Variants in AIG1 observed in about 807,000 individuals in gnomAD.
The protein encoded by AIG1 is androgen-induced gene 1 protein.
Under a neutral mutation model 31.4 loss-of-function variants are expected in AIG1, and 23 were observed. The ratio of observed to expected loss-of-function variants is 0.73; its 90% CI spans 0.53 to 1.04. The LOEUF (loss-of-function observed/expected upper bound fraction) is 1.04, where lower values mean the gene tolerates loss of function less well. Ranked by LOEUF, AIG1 falls within the 50% of genes least tolerant of loss-of-function variation. AIG1 has a pLI of 0.00. For missense variants in AIG1, 274 were observed against 295.0 expected, an observed-to-expected ratio of 0.93 and a Z score of 0.52; for synonymous variants, 100 against 110.5, an observed-to-expected ratio of 0.90 and a Z score of 0.60.
chr6:143,305,352 G>C (rs926503390), intron 4 of AIG1, among the ~76,000 whole-genome samples: 2 of 152,000 alleles, frequency 1.3e-5, no homozygotes, highest in African/African-American at 4.8e-5. Flanking sequence ...GCTTTCTTTT[G>C]TGGGCATTTA....
intron 3 of AIG1, among the ~76,000 whole-genome samples, chr6:143,178,689 C>G (rs1294025506): frequency 6.6e-6 from 1 of 152,224 alleles, no homozygotes; most frequent in Non-Finnish European, 1.5e-5. Context: ...CTCCCCTAGA[C>G]TCTCTGTTCA....
chr6:143,078,426 A>G (rs1450070524), intron 1 of AIG1, among the ~76,000 whole-genome samples: 1 of 152,200 alleles, frequency 6.6e-6, no homozygotes, highest in Non-Finnish European at 1.5e-5. Context: ...TTGTATGTCA[A>G]ATTGTTTTGG....
intron 1 of AIG1, among the ~76,000 whole-genome samples, chr6:143,094,962 A>G (rs1309666753): frequency 6.6e-6 from 1 of 152,194 alleles, no homozygotes; most frequent in African/African-American, 2.4e-5. Flanking sequence ...TTGAGAAATG[A>G]AAAGGCAACA....
chr6:143,242,498 C>T (rs529590883), intron 3 of AIG1, among the ~76,000 whole-genome samples: 25 of 152,120 alleles, frequency 1.6e-4, no homozygotes, highest in Non-Finnish European at 3.1e-4. Context: ...AATCAAAGTA[C>T]AAAGAGGTAA....
chr6:143,196,350 AACACACACACACACAC>A (rs71784011), intron 3 of AIG1, among the ~76,000 whole-genome samples: 15 of 141,718 alleles, frequency 1.1e-4, no homozygotes, highest in East Asian at 4.2e-4. Context: ...CAACAAAAGC[AACACACACACACACAC>A]ACACACACAC....
chr6:143,093,180 T>C (rs1779460900), intron 1 of AIG1, among the ~76,000 whole-genome samples: 1 of 152,168 alleles, frequency 6.6e-6, no homozygotes, highest in African/African-American at 2.4e-5. Context: ...TTTGTCTACA[T>C]TGAAAATCTG....
At chr6:143,121,298 A>G (rs1782223472) in intron 1 of AIG1, among the ~76,000 whole-genome samples, 1 of 152,180 alleles carries the variant, frequency 6.6e-6, no homozygotes, top group Non-Finnish European at 1.5e-5. Context: ...TTTGCCCAGT[A>G]TGTCTTCAAG....
intron 1 of AIG1, among the ~76,000 whole-genome samples, chr6:143,069,053 C>T (rs1447943275): frequency 1.3e-5 from 2 of 150,354 alleles, no homozygotes; most frequent in Non-Finnish European, 2.9e-5. Context: ...CTCACTCTGT[C>T]GCCCAGGTTA....
intron 4 of AIG1, among the ~76,000 whole-genome samples, chr6:143,301,686 G>A (rs1798835164): frequency 6.6e-6 from 1 of 152,048 alleles, no homozygotes; most frequent in African/African-American, 2.4e-5. Flanking sequence ...ACTATCAAAA[G>A]AACAGCATGG....
At chr6:143,128,268 A>G (rs1207753030) in intron 1 of AIG1, among the ~76,000 whole-genome samples, 1 of 152,228 alleles carries the variant, frequency 6.6e-6, no homozygotes, top group Non-Finnish European at 1.5e-5. Context: ...AAAATCTAAC[A>G]TGACTCAGTA....
intron 1 of AIG1, among the ~76,000 whole-genome samples, chr6:143,067,588 T>C (rs1776829588): frequency 1.3e-5 from 2 of 152,206 alleles, no homozygotes; most frequent in Non-Finnish European, 2.9e-5. Flanking sequence ...CATTTTGCAT[T>C]TGAGTTAGTC....
Position 143,284,341 on chromosome 6 carries a change from G to T in AIG1, c.515+116G>T. On this transcript the variant is annotated intron_variant, in intron 4 of 5. Transcript: ENST00000357847. This position sits in a 1 kb window ranked among gnomAD's most constrained non-coding sequence, Gnocchi z 4.4. ...CAGATTCACGCTGTGTGCCGCATTT[G>T]GTCCAAGACCTGGGCTTTGTCTCGT... is the stretch of plus-strand genomic sequence containing the variant. 2.9e-6 allele frequency: 2 copies of T among 698,800 alleles called. No individual in the cohort carries two copies. Among genetic ancestry groups the T allele is most frequent in the Non-Finnish European group, 4.8e-6 (2 of 416,804 alleles). The allele number at this position is 698,800 out of a possible 1,614,324, so 43.3% of individuals were successfully genotyped here. A position where few individuals can be genotyped will look rare whatever the true frequency, so the allele number is the denominator to read the frequency against.
At chr6:143,233,194 T>C (rs1164170371) in intron 3 of AIG1, among the ~76,000 whole-genome samples, 1 of 152,172 alleles carries the variant, frequency 6.6e-6, no homozygotes. Context: ...GGGATTCTTA[T>C]GGCCATCACC....
At chr6:143,081,020 T>G (rs1279046474) in intron 1 of AIG1, among the ~76,000 whole-genome samples, 1 of 152,172 alleles carries the variant, frequency 6.6e-6, no homozygotes, top group East Asian at 1.9e-4. Flanking sequence ...AGGTGATGTC[T>G]GCAACTAAGT....
In AIG1 at chr6:143,339,748, G is replaced by C. The variant is rs776072196; in HGVS notation, c.*72G>C. 44 of 1,537,984 alleles carry C rather than the reference G, an allele frequency of 2.9e-5. No individual in the cohort carries two copies. The Middle Eastern group carries it at 5.1e-4, about 18-fold the overall frequency. ...TCCTTCCCCTCGGGCATTGGCAGTG[G>C]GGGAGAAAAGGCTTCAAAGGAACTT... On this transcript the variant is annotated 3_prime_UTR_variant, in exon 6 of 6. Coordinates refer to ENST00000357847, the MANE Select transcript of AIG1 (RefSeq NM_016108.4).
Position 143,325,227 on chromosome 6 carries a change from T to C in AIG1, c.516-8055T>C, listed in dbSNP as rs1776508284. 6.6e-6 allele frequency among the ~76,000 whole-genome samples: 1 copy of C among 152,228 alleles called. No homozygotes were observed. Among genetic ancestry groups the C allele is most frequent in the South Asian group, 2.1e-4 (1 of 4,828 alleles). ...CTTCCCTGTTACTAGCCCATCTTTC[T>C]TGATCTCCTTTTTAGGCTCATCATC... On this transcript the variant is annotated intron_variant, in intron 4 of 5. Coordinates refer to ENST00000357847, the MANE Select transcript of AIG1 (RefSeq NM_016108.4). The surrounding 1 kb of genome is among the most constrained non-coding windows in gnomAD (Gnocchi z 4.3).
At chr6:143,264,550 C>T (rs1196224803) in intron 3 of AIG1, among the ~76,000 whole-genome samples, 1 of 152,150 alleles carries the variant, frequency 6.6e-6, no homozygotes, top group Non-Finnish European at 1.5e-5. Context: ...CAAGCCAGCA[C>T]AAGGTGGGGG....
intron 3 of AIG1, among the ~76,000 whole-genome samples, chr6:143,200,033 A>T (rs1271766116): frequency 6.6e-6 from 1 of 152,198 alleles, no homozygotes; most frequent in Non-Finnish European, 1.5e-5. Context: ...TATGGTTTTG[A>T]GTGTGGGTAT....
intron 4 of AIG1, among the ~76,000 whole-genome samples, chr6:143,304,222 T>C (rs1405503252): frequency 7.7e-6 from 1 of 130,688 alleles, no homozygotes; most frequent in South Asian, 2.5e-4. Context: ...TTTATTTCCT[T>C]CTCCTGCCTA....
Sources: allele counts gnomAD v4.1 joint callset (sites outside exome capture counted in the v4.1 genomes callset), GRCh38; gene constraint gnomAD v4.1.1; non-coding constraint Gnocchi (gnomAD v3.1); transcripts MANE v1.5; gene names NCBI Gene and HGNC (gene_info 2026-07-23, HGNC 2026-07-21).